Variants in RCCD1 observed in about 807,000 individuals in gnomAD.
The protein encoded by RCCD1 is RCC1 domain containing 1.
RCCD1 carries 40 observed loss-of-function variants against 37.6 expected under a neutral mutation model. The ratio of observed to expected loss-of-function variants is 1.06; its 90% CI spans 0.83 to 1.39. The LOEUF is 1.39. RCCD1 is among the 40% of genes most tolerant of loss of function. The pLI is 0.00. For missense variants in RCCD1, 577 were observed against 517.3 expected (o/e 1.12, Z -1.12); for synonymous variants, 263 against 230.0 (o/e 1.14, Z -1.30).
intron 1 of RCCD1, 53 bp downstream of exon 1, chr15:90,955,001 C>T (rs2037135620): frequency 1.3e-5 from 2 of 152,320 alleles, no homozygotes; most frequent in Admixed American, 6.5e-5. Context: ...AAACCTTTAG[C>T]TCAAGTCTTA....
rs199771719 is a variant in RCCD1, at chr15:90,961,802, G to A, written c.*33G>A. On this transcript the variant is annotated 3_prime_UTR_variant, in exon 8 of 8. Coordinates refer to ENST00000394258, the MANE Select transcript of RCCD1 (RefSeq NM_001017919.2). ...ACGTATATGTATATGCAACACCTGT[G>A]AGACCCCCATTCAGGTCAAGGAAAA... 4.1e-4 allele frequency: 648 copies of A among 1,593,518 alleles called. 2 individuals carry two copies. Among genetic ancestry groups the A allele is most frequent in the Non-Finnish European group, 4.1e-4 (475 of 1,167,124 alleles).
Position 90,957,389 on chromosome 15 carries a change from C to T in RCCD1, c.443C>T (p.Ala148Val), listed in dbSNP as rs1431042167. Residue 148 changes from alanine to valine, a missense_variant, in exon 3 of 8, where the codon GCG becomes GTG. By Grantham distance (64) the Ala-to-Val change is moderately conservative. Transcript: ENST00000394258. ...PCARAYVSPR[A>V]PFYRPLAPEL... ...GCCCGTGCCTACGTGAGCCCGCGGG[C>T]GCCCTTCTACCGGCCTCTGGCTCCG... 1 of 1,543,482 alleles carries T rather than the reference C, an allele frequency of 6.5e-7. No individual in the cohort carries two copies. The highest frequency in any genetic ancestry group is 2.0e-5 in the Admixed American group (1 of 50,920).
chr15:90,956,762 T>G lies in RCCD1; in HGVS notation c.28T>G (p.Phe10Val). ...GGCGGAGGAGCGGCCGGGGGCCTGGTTCGGCTTCGGTTTCTGCGGCTTCGG... is the reference window on the plus strand; with the variant it reads ...GGCGGAGGAGCGGCCGGGGGCCTGGGTCGGCTTCGGTTTCTGCGGCTTCGG... MAEERPGAWFGFGFCGFGQE... is the reference protein window; with the variant it reads MAEERPGAWVGFGFCGFGQE... The change falls in exon 2 of 8, where the codon TTC (phenylalanine) becomes GTC (valine). Residue 10 changes from phenylalanine (F) to valine (V), a missense_variant. Phe to Val is a conservative substitution (Grantham distance 50). Coordinates refer to ENST00000394258, the MANE Select transcript of RCCD1 (RefSeq NM_001017919.2). 1 of 1,329,908 alleles carries G rather than the reference T, an allele frequency of 7.5e-7. No individual in the cohort carries two copies. The highest frequency in any genetic ancestry group is 9.6e-7 in the Non-Finnish European group (1 of 1,039,458). The allele number at this position is 1,329,908 out of a possible 1,614,324, so 82.4% of individuals were successfully genotyped here.
At position 90,962,953 on chromosome 15, in the gene RCCD1, G is replaced by C. The variant is rs2037343181; in HGVS notation, c.*1184G>C. The C allele has an allele frequency of 6.6e-6, 1 of 152,136 alleles. No individual in the cohort carries two copies. The highest frequency in any genetic ancestry group is 1.5e-5 in the Non-Finnish European group (1 of 68,028). 9.4% of individuals were successfully genotyped at this position (152,136 alleles called of 1,614,324 possible). Reference sequence around the variant, plus strand: ...TGCTTTACAAGTATCAACTTATTTTGATAAAATAAGCTTATCAGTAGTTTT... The same window carrying C: ...TGCTTTACAAGTATCAACTTATTTTCATAAAATAAGCTTATCAGTAGTTTT... On this transcript the variant is annotated 3_prime_UTR_variant, in exon 8 of 8. Coordinates refer to ENST00000394258, the MANE Select transcript of RCCD1 (RefSeq NM_001017919.2).
chr15:90,960,660 C>A, intron 6 of RCCD1, 162 bp downstream of exon 6: 1 of 678,624 alleles, frequency 1.5e-6, no homozygotes, highest in Non-Finnish European at 2.4e-6. Context: ...CACAGTAGTT[C>A]CCCAGCCTGT....
In RCCD1 at chr15:90,961,659, G is replaced by T. The variant is rs746723906; in HGVS notation, c.1021G>T (p.Asp341Tyr). ...GGGCCACGAGGACACCACCAGCTTGGATCGGCCTCGCCGTGTGGAATACTT... is the reference window on the plus strand; with the variant it reads ...GGGCCACGAGGACACCACCAGCTTGTATCGGCCTCGCCGTGTGGAATACTT... ...QLGHEDTTSLDRPRRVEYFVD... is the reference protein window; with the variant it reads ...QLGHEDTTSLYRPRRVEYFVD... The change falls in exon 8 of 8, where the codon GAT becomes TAT. Residue 341 changes from aspartate to tyrosine, a missense_variant. Physicochemically the swap from Asp to Tyr is radical, Grantham distance 160. Coordinates refer to ENST00000394258, the MANE Select transcript of RCCD1 (RefSeq NM_001017919.2). 6.2e-7 allele frequency: 1 copy of T among 1,614,150 alleles called. No individual in the cohort carries two copies. The highest frequency in any genetic ancestry group is 8.5e-7 in the Non-Finnish European group (1 of 1,180,008).
intron 4 of RCCD1, among the ~76,000 whole-genome samples, chr15:90,959,129 G>A (rs2037264094): frequency 6.6e-6 from 1 of 152,058 alleles, no homozygotes; most frequent in African/African-American, 2.4e-5. Flanking sequence ...CGGGCCCTGG[G>A]ACCTCGGGCC....
Position 90,961,671 on chromosome 15 carries a change from C to T in RCCD1, c.1033C>T (p.Arg345Cys), listed in dbSNP as rs760490428. 23 of 1,613,976 alleles carry T rather than the reference C, an allele frequency of 1.4e-5. No individual in the cohort carries two copies. The highest frequency in any genetic ancestry group is 3.3e-5 in the Admixed American group (2 of 59,996). ...CACCACCAGCTTGGATCGGCCTCGC[C>T]GTGTGGAATACTTTGTAGATAAGCA... ...EDTTSLDRPR[R>C]VEYFVDKQLQ... The change falls in exon 8 of 8, where the codon CGT (arginine) becomes TGT (cysteine). Residue 345 changes from arginine to cysteine, a missense_variant. Physicochemically the swap from Arg to Cys is radical, Grantham distance 180. Coordinates refer to ENST00000394258, the MANE Select transcript of RCCD1 (RefSeq NM_001017919.2).
chr15:90,957,247 G>T lies in RCCD1; in HGVS notation c.301G>T (p.Ala101Ser). 6.8e-7 allele frequency: 1 copy of T among 1,470,756 alleles called. No homozygotes were observed. 91.1% of individuals were successfully genotyped at this position (1,470,756 alleles called of 1,614,324 possible). ...GGAGGCGTTACTGCAGGTCTGGGCG[G>T]CCGAATCGGCGCTGCGTGGGGAGCC... ...GPEALLQVWA[A>S]ESALRGEPLW... The change falls in exon 3 of 8, where the codon GCC becomes TCC. Residue 101 changes from alanine to serine, a missense_variant. Coordinates refer to ENST00000394258, the MANE Select transcript of RCCD1 (RefSeq NM_001017919.2).
At chr15:90,960,640 C>T (rs2037296749) in intron 6 of RCCD1, 142 bp downstream of exon 6, 5 of 777,684 alleles carry the variant, frequency 6.4e-6, no homozygotes, top group South Asian at 1.8e-5. Flanking sequence ...CCCCAACCCC[C>T]TTGTTGTTTC....
chr15:90,957,605 C>T lies in RCCD1; in HGVS notation c.559C>T (p.His187Tyr), dbSNP rs756308808. ...GQVFSWGGGR[H>Y]GQLGHGTLEA... ...CTGACGACGGTCTCCCTTGCTCAGG[C>T]ATGGACAGCTGGGCCATGGGACCCT... The change falls in exon 4 of 8, where the codon CAT becomes TAT. Residue 187 changes from histidine to tyrosine, a missense_variant and splice_region_variant. Physicochemically the swap from His to Tyr is moderately conservative, Grantham distance 83. Transcript: ENST00000394258. 3 of 1,614,092 alleles carry T rather than the reference C, an allele frequency of 1.9e-6. No individual in the cohort carries two copies. The highest frequency in any genetic ancestry group is 1.7e-6 in the Non-Finnish European group (2 of 1,180,014).
rs954834461 is a variant in RCCD1 at position 90,961,862 on chromosome 15, C to T, written c.*93C>T. 7 of 1,329,290 alleles carry T rather than the reference C, an allele frequency of 5.3e-6. No individual in the cohort carries two copies. The highest frequency in any genetic ancestry group is 1.4e-5 in the South Asian group (1 of 72,914). 82.3% of individuals were successfully genotyped at this position (1,329,290 alleles called of 1,614,324 possible). ...GCACCCCAAGGGCCCCATATTTGCC[C>T]CTCCCCATCACAGTCCTGCCCTTCA... On this transcript the variant is annotated 3_prime_UTR_variant, in exon 8 of 8. Coordinates refer to ENST00000394258, the MANE Select transcript of RCCD1 (RefSeq NM_001017919.2).
chr15:90,957,860 C>T (rs2037234668), intron 4 of RCCD1, 135 bp downstream of exon 4: 5 of 1,170,628 alleles, frequency 4.3e-6, no homozygotes, highest in South Asian at 1.5e-5. Flanking sequence ...GTTATGACTC[C>T]TAAATGCCTC....
Position 90,959,895 on chromosome 15 carries a change from T to A in RCCD1, c.680-5T>A. The A allele has an allele frequency of 6.2e-7, 1 of 1,605,994 alleles. No individual in the cohort carries two copies. Among genetic ancestry groups the A allele is most frequent in the East Asian group, 2.2e-5 (1 of 44,774 alleles). On this transcript the variant is annotated splice_polypyrimidine_tract_variant and splice_region_variant and intron_variant, in intron 4 of 7. Coordinates refer to ENST00000394258, the MANE Select transcript of RCCD1 (RefSeq NM_001017919.2). ...TGTTTCATGTGTCCCCTTGATCTCT[T>A]TCAGAGACTGGGGATATTTATATCT...
At chr15:90,961,362 A>G in intron 7 of RCCD1, 1 of 578,708 alleles carries the variant, frequency 1.7e-6, no homozygotes, top group Non-Finnish European at 3.1e-6. Flanking sequence ...GTGGAGAAAA[A>G]GATTCGATGG....
At chr15:90,959,280 G>T (rs1487547141) in intron 4 of RCCD1, among the ~76,000 whole-genome samples, 2 of 119,434 alleles carry the variant, frequency 1.7e-5, no homozygotes, top group South Asian at 6.3e-4. Context: ...CATCAGCATG[G>T]ATTAAGCACT....
chr15:90,959,613 C>A, intron 4 of RCCD1: 1 of 223,734 alleles, frequency 4.5e-6, no homozygotes, highest in Non-Finnish European at 8.7e-6. Context: ...AAAGGGAGAC[C>A]ACTGCGGTAC....
chr15:90,957,493 G>A lies in RCCD1; in HGVS notation c.547G>A (p.Gly183Ser). The A allele has an allele frequency of 1.3e-6, 2 of 1,557,208 alleles. No homozygotes were observed. Among genetic ancestry groups the A allele is most frequent in the South Asian group, 2.3e-5 (2 of 86,736 alleles). ...CGCTGCTGGCCAGGTGTTCTCCTGG[G>A]GCGGGGGCAGGTGAGCGGAGGCGGG... ...LDAAGQVFSW[G>S]GGRHGQLGHG... Residue 183 changes from glycine to serine, a missense_variant, in exon 3 of 8, where the codon GGC becomes AGC. Gly to Ser is a moderately conservative substitution (Grantham distance 56). Coordinates refer to ENST00000394258, the MANE Select transcript of RCCD1 (RefSeq NM_001017919.2).
In RCCD1 at chr15:90,960,014, G is replaced by A; in HGVS notation, c.778+16G>A. 6.3e-7 allele frequency: 1 copy of A among 1,591,742 alleles called. No individual in the cohort carries two copies. The highest frequency in any genetic ancestry group is 2.2e-5 in the East Asian group (1 of 44,768). On this transcript the variant is annotated intron_variant, in intron 5 of 7. Coordinates refer to ENST00000394258, the MANE Select transcript of RCCD1 (RefSeq NM_001017919.2). ...GCAAGGGAAGGTGAGGGTCATCTCG[G>A]CTCCCACAGCCGTCTCCCCAGGATG...
Sources: allele counts gnomAD v4.1 joint callset (sites outside exome capture counted in the v4.1 genomes callset), GRCh38; gene constraint gnomAD v4.1.1; transcripts MANE v1.5; gene names NCBI Gene and HGNC (gene_info 2026-07-23, HGNC 2026-07-21).